IQCH: variants seen among roughly 807,000 people sequenced by gnomAD.
The protein encoded by IQCH is IQ motif containing H, also known as IQ domain-containing protein H.
A neutral mutation model predicts 117.0 loss-of-function variants in IQCH; 98 were observed. That is an observed-to-expected ratio of 0.84 (90% CI 0.71 to 0.99). The LOEUF is 0.99. IQCH is among the 50% of genes least tolerant of loss of function. The pLI is 0.00. For synonymous variants in IQCH, 412 were observed against 448.2 expected, an observed-to-expected ratio of 0.92 and a Z score of 1.02; for missense variants, 1,102 against 1,243.8, an observed-to-expected ratio of 0.89 and a Z score of 1.72.
chr15:67,306,882 C>G, intron 4 of IQCH: 1 of 1,522,232 alleles, frequency 6.6e-7, no homozygotes, highest in South Asian at 1.2e-5. Flanking sequence ...TTCATGTTCC[C>G]TCACTGACAT....
chr15:67,344,174 G>C lies in IQCH; in HGVS notation c.620G>C (p.Arg207Pro), dbSNP rs371149945. Residue 207 changes from arginine to proline, a missense_variant, in exon 6 of 21, where the codon CGT (arginine) becomes CCT (proline). By Grantham distance (103) the Arg-to-Pro change is moderately radical. This residue lies in a region of IQCH where 452 missense variants were observed against 449.6 expected (regional missense o/e 1.01). Coordinates refer to ENST00000335894, the MANE Select transcript of IQCH (RefSeq NM_001031715.3). ...AAPLHSFDEA[R>P]KIPTVATFTI... Reference sequence around the variant, plus strand: ...CCTCTGCATAGTTTTGATGAAGCACGTAAGATTCCAACTGTAGGTAAGATA... The same window carrying C: ...CCTCTGCATAGTTTTGATGAAGCACCTAAGATTCCAACTGTAGGTAAGATA... The C allele has an allele frequency of 1.6e-5, 26 of 1,613,210 alleles. No homozygotes were observed. Among genetic ancestry groups the C allele is most frequent in the Non-Finnish European group, 1.9e-5 (23 of 1,179,584 alleles).
chr15:67,394,523 A>G (rs1277085335), intron 12 of IQCH, among the ~76,000 whole-genome samples: 1 of 152,140 alleles, frequency 6.6e-6, no homozygotes, highest in Non-Finnish European at 1.5e-5. Flanking sequence ...CCACCCCTCA[A>G]AAACAGAAAC....
chr15:67,412,427 G>C (rs981670581), intron 14 of IQCH, among the ~76,000 whole-genome samples: 2 of 151,866 alleles, frequency 1.3e-5, no homozygotes, highest in African/African-American at 4.8e-5. Flanking sequence ...TGTTTCTTAA[G>C]AGACAGAGTT....
chr15:67,288,586 T>C (rs1966647252), intron 4 of IQCH, among the ~76,000 whole-genome samples: 1 of 152,138 alleles, frequency 6.6e-6, no homozygotes, highest in Non-Finnish European at 1.5e-5. Flanking sequence ...GGTTTCCATT[T>C]ACATGGAATA....
At chr15:67,283,926 G>A (rs1352895729) in intron 4 of IQCH, among the ~76,000 whole-genome samples, 1 of 151,972 alleles carries the variant, frequency 6.6e-6, no homozygotes, top group Non-Finnish European at 1.5e-5. Flanking sequence ...AGTACATAGT[G>A]GGTGTACATA....
chr15:67,494,457 CT>C lies in IQCH; in HGVS notation c.2970+99del, dbSNP rs947711205. ...GTATTGTAAACAAGTGCTAAACCAT[CT>C]TTTTTTTATTGTAAGCAGTACATAT... On this transcript the variant is annotated intron_variant, in intron 20 of 20. Transcript: ENST00000335894. This position sits in a 1 kb window ranked among gnomAD's most constrained non-coding sequence, Gnocchi z 5.5. The C allele has an allele frequency of 1.3e-4, 107 of 808,432 alleles. No individual in the cohort carries two copies. The highest frequency in any genetic ancestry group is 2.1e-4 in the Admixed American group (8 of 37,606). The allele number at this position is 808,432 out of a possible 1,614,324, so 50.1% of individuals were successfully genotyped here.
At chr15:67,349,822 T>G (rs941941090) in intron 6 of IQCH, among the ~76,000 whole-genome samples, 4 of 152,176 alleles carry the variant, frequency 2.6e-5, no homozygotes, top group Non-Finnish European at 5.9e-5. Flanking sequence ...GAAAGCATGC[T>G]TAACATCATT....
intron 4 of IQCH, among the ~76,000 whole-genome samples, chr15:67,287,067 A>G (rs530030064): frequency 1.3e-5 from 2 of 152,320 alleles, no homozygotes; most frequent in African/African-American, 2.4e-5. Context: ...GATATGATGT[A>G]TCACATTGAT....
Position 67,404,264 on chromosome 15 carries a change from A to G in IQCH, c.2097+3959A>G, listed in dbSNP as rs2140876556. 1 of 152,316 alleles carries G rather than the reference A, an allele frequency of 6.6e-6. No homozygotes were observed. The highest frequency in any genetic ancestry group is 2.4e-5 in the African/African-American group (1 of 41,582). 9.4% of individuals were successfully genotyped at this position (152,316 alleles called of 1,614,324 possible). On this transcript the variant is annotated intron_variant, in intron 14 of 20. Transcript: ENST00000335894. The surrounding 1 kb of genome is among the most constrained non-coding windows in gnomAD (Gnocchi z 4.6). Reference sequence around the variant, plus strand: ...CACAGTTGTTTTGCCTCCTTTTAGAACTAAGGCAGCAAACAGAAAACACAA... The same window carrying G: ...CACAGTTGTTTTGCCTCCTTTTAGAGCTAAGGCAGCAAACAGAAAACACAA...
At chr15:67,303,047 G>T (rs1430599380) in intron 4 of IQCH, among the ~76,000 whole-genome samples, 3 of 152,172 alleles carry the variant, frequency 2.0e-5, no homozygotes, top group Non-Finnish European at 2.9e-5. Flanking sequence ...CAAAGAAATA[G>T]ATGGATCATG....
chr15:67,279,406 C>A lies in IQCH; in HGVS notation c.281C>A (p.Thr94Asn). The A allele has an allele frequency of 6.3e-7, 1 of 1,583,522 alleles. No homozygotes were observed. Among genetic ancestry groups the A allele is most frequent in the Non-Finnish European group, 8.7e-7 (1 of 1,155,204 alleles). The part of the protein sequence containing the change: ...TPQASKWLLP[T>N]VIDQKSFIFP... ...TTCTTCTTACTTAGGTTACTTCCAACTGTAATTGATCAGAAATCATTTATT... is the reference window on the plus strand; with the variant it reads ...TTCTTCTTACTTAGGTTACTTCCAAATGTAATTGATCAGAAATCATTTATT... Residue 94 changes from threonine (T) to asparagine (N), a missense_variant, in exon 4 of 21, where the codon ACT becomes AAT. Thr to Asn is a moderately conservative substitution (Grantham distance 65). This residue lies in a region of IQCH where 452 missense variants were observed against 449.6 expected (regional missense o/e 1.01). Coordinates refer to ENST00000335894, the MANE Select transcript of IQCH (RefSeq NM_001031715.3).
In IQCH at chr15:67,422,113, A is replaced by G. The variant is rs1158176104; in HGVS notation, c.2505+536A>G. On this transcript the variant is annotated intron_variant, in intron 16 of 20. Coordinates refer to ENST00000335894, the MANE Select transcript of IQCH (RefSeq NM_001031715.3). The surrounding 1 kb of genome is among the most constrained non-coding windows in gnomAD (Gnocchi z 4.7). ...AACTCCATCTCAAAAAAAAAAAAAA[A>G]TAGTGACTGAATCTCACCCCTCACA... Among the ~76,000 whole-genome samples, 1 of 151,844 alleles carries G rather than the reference A, an allele frequency of 6.6e-6. No homozygotes were observed. The highest frequency in any genetic ancestry group is 1.5e-5 in the Non-Finnish European group (1 of 67,960).
At position 67,365,990 on chromosome 15, in the gene IQCH, G is replaced by T. The variant is rs777003554; in HGVS notation, c.753+6105G>T. Among the ~76,000 whole-genome samples the T allele has an allele frequency of 6.6e-6, 1 of 152,162 alleles. No homozygotes were observed. Among genetic ancestry groups the T allele is most frequent in the African/African-American group, 2.4e-5 (1 of 41,430 alleles). On this transcript the variant is annotated intron_variant, in intron 8 of 20. Transcript: ENST00000335894. The surrounding 1 kb of genome is among the most constrained non-coding windows in gnomAD (Gnocchi z 4.4). ...AATATGACAAGGTGGAGCTCTGTAGGAATTTTGCAAGTGTTCTTTAGTGAT... is the reference window on the plus strand; with the variant it reads ...AATATGACAAGGTGGAGCTCTGTAGTAATTTTGCAAGTGTTCTTTAGTGAT...
chr15:67,266,489 T>C (rs1965676127), intron 3 of IQCH, among the ~76,000 whole-genome samples: 1 of 152,052 alleles, frequency 6.6e-6, no homozygotes, highest in South Asian at 2.1e-4. Context: ...ACCCCGTCTC[T>C]ATTAAAATAC....
intron 14 of IQCH, among the ~76,000 whole-genome samples, chr15:67,409,597 G>T (rs189977248): frequency 3.8e-4 from 58 of 152,322 alleles, no homozygotes; most frequent in East Asian, 3.3e-3. Context: ...GAAGCAGCGA[G>T]TGGATAATGC....
At chr15:67,286,219 T>G (rs183531079) in intron 4 of IQCH, among the ~76,000 whole-genome samples, 75 of 152,358 alleles carry the variant, frequency 4.9e-4, no homozygotes, top group African/African-American at 1.8e-3. Flanking sequence ...CTGTCTTGAT[T>G]TCTTTTTCAC....
intron 4 of IQCH, among the ~76,000 whole-genome samples, chr15:67,297,327 T>C (rs932421189): frequency 2.0e-5 from 3 of 152,196 alleles, no homozygotes; most frequent in African/African-American, 7.2e-5. Flanking sequence ...CTTTAGCAGT[T>C]AACATAATTT....
In IQCH at chr15:67,459,392, ACT is replaced by A. The variant is rs2082735767; in HGVS notation, c.2506-5734_2506-5733del. ...GGCAACACTAAACCCTTTGCTGAGA[ACT>A]TTATTTGCACAGAATGTAGGGCCTG... On this transcript the variant is annotated intron_variant, in intron 16 of 20. Coordinates refer to ENST00000335894, the MANE Select transcript of IQCH (RefSeq NM_001031715.3). This position sits in a 1 kb window ranked among gnomAD's most constrained non-coding sequence, Gnocchi z 4.2. Among the ~76,000 whole-genome samples the A allele has an allele frequency of 6.6e-6, 1 of 152,128 alleles. No individual in the cohort carries two copies. The highest frequency in any genetic ancestry group is 2.1e-4 in the South Asian group (1 of 4,824).
At chr15:67,344,890 T>G (rs1969318628) in intron 6 of IQCH, among the ~76,000 whole-genome samples, 1 of 152,222 alleles carries the variant, frequency 6.6e-6, no homozygotes, top group African/African-American at 2.4e-5. Context: ...ATGTGGTCTC[T>G]AAGAATTGCA....
Sources: allele counts gnomAD v4.1 joint callset (sites outside exome capture counted in the v4.1 genomes callset), GRCh38; gene constraint gnomAD v4.1.1; regional missense constraint gnomAD v4.1.1; non-coding constraint Gnocchi (gnomAD v3.1); transcripts MANE v1.5; gene names NCBI Gene and HGNC (gene_info 2026-07-23, HGNC 2026-07-21).